The following SSBP2 variants were observed in gnomAD, a reference collection of about 807,000 sequenced individuals.
SSBP2 encodes the protein single-stranded DNA-binding protein 2.
Under a neutral mutation model 61.8 loss-of-function variants are expected in SSBP2, and 17 were observed. That is an observed-to-expected ratio of 0.28 (90% confidence interval 0.19 to 0.41). The LOEUF (loss-of-function observed/expected upper bound fraction) is 0.41. Among genes scored for constraint, SSBP2 ranks in the 10% least tolerant of loss-of-function variants. The pLI is 1.00. For synonymous variants in SSBP2, 139 were observed against 141.3 expected (o/e 0.98, Z 0.12); for missense variants, 310 against 458.7 (o/e 0.68, Z 2.96).
intron 1 of SSBP2, among the ~76,000 whole-genome samples, chr5:81,750,454 C>T (rs1461234393): frequency 1.4e-5 from 2 of 145,844 alleles, no homozygotes; most frequent in Non-Finnish European, 3.0e-5. Context: ...CGCCTCGCCT[C>T]GCCCCGCGCT....
intron 4 of SSBP2, among the ~76,000 whole-genome samples, chr5:81,582,043 AG>A (rs754646358): frequency 6.6e-6 from 1 of 152,170 alleles, no homozygotes; most frequent in Non-Finnish European, 1.5e-5. Flanking sequence ...TAACAAACTG[AG>A]CCTTAAAGTA....
At chr5:81,478,845 A>G (rs1561448858) in intron 6 of SSBP2, among the ~76,000 whole-genome samples, 3 of 152,158 alleles carry the variant, frequency 2.0e-5, no homozygotes, top group Non-Finnish European at 4.4e-5. Flanking sequence ...CTTCTGTCTC[A>G]TTATAGACAA....
intron 4 of SSBP2, among the ~76,000 whole-genome samples, chr5:81,594,973 G>C (rs968868142): frequency 2.6e-5 from 4 of 151,950 alleles, no homozygotes; most frequent in African/African-American, 9.7e-5. Flanking sequence ...GCTAGCAGAA[G>C]GCAAGAAATA....
At chr5:81,538,067 T>G (rs1243233391) in intron 4 of SSBP2, among the ~76,000 whole-genome samples, 1 of 152,064 alleles carries the variant, frequency 6.6e-6, no homozygotes, top group African/African-American at 2.4e-5. Context: ...GCTCAGTGAG[T>G]AAGGCACGTC....
At chr5:81,667,442 A>G (rs1751242519) in intron 1 of SSBP2, among the ~76,000 whole-genome samples, 1 of 152,140 alleles carries the variant, frequency 6.6e-6, no homozygotes, top group Admixed American at 6.6e-5. Flanking sequence ...ATTGAACACC[A>G]AGAGCATTCA....
At chr5:81,536,835 C>G (rs756907064) in intron 4 of SSBP2, among the ~76,000 whole-genome samples, 20 of 152,018 alleles carry the variant, frequency 1.3e-4, no homozygotes, top group Non-Finnish European at 2.5e-4. Flanking sequence ...TCCTGGCTAA[C>G]ATGGTGAAAC....
intron 4 of SSBP2, among the ~76,000 whole-genome samples, chr5:81,544,202 C>CCAT (rs1771540746): frequency 6.6e-6 from 1 of 152,156 alleles, no homozygotes; most frequent in South Asian, 2.1e-4. Context: ...GGCGATGCCA[C>CCAT]CACGCCCGGC....
chr5:81,489,114 C>A, intron 6 of SSBP2, 136 bp downstream of exon 6: 2 of 780,982 alleles, frequency 2.6e-6, no homozygotes, highest in African/African-American at 1.8e-5. Flanking sequence ...GTTTGCCAAC[C>A]CTTGAAGCAG....
intron 4 of SSBP2, among the ~76,000 whole-genome samples, chr5:81,602,847 G>C (rs1446162923): frequency 6.6e-6 from 1 of 151,908 alleles, no homozygotes; most frequent in African/African-American, 2.4e-5. Flanking sequence ...CCTGGGTGAT[G>C]GTTTTACAAA....
At chr5:81,597,851 A>T (rs1341904597) in intron 4 of SSBP2, among the ~76,000 whole-genome samples, 2 of 102,914 alleles carry the variant, frequency 1.9e-5, no homozygotes, top group East Asian at 5.8e-4. Context: ...CAAACCAGGG[A>T]CTGTTGTGGG....
At chr5:81,618,354 GA>G (rs1442051312) in intron 3 of SSBP2, among the ~76,000 whole-genome samples, 1 of 101,386 alleles carries the variant, frequency 9.9e-6, no homozygotes, top group Non-Finnish European at 2.1e-5. Flanking sequence ...AAGAGACAAA[GA>G]AGGCCATTAC....
intron 6 of SSBP2, among the ~76,000 whole-genome samples, chr5:81,476,834 G>C: frequency 6.6e-6 from 1 of 151,898 alleles, no homozygotes; most frequent in East Asian, 1.9e-4. Flanking sequence ...TTTATTAGTT[G>C]GTATTTCACT....
intron 1 of SSBP2, among the ~76,000 whole-genome samples, chr5:81,669,137 A>G (rs1339382607): frequency 1.3e-5 from 2 of 152,220 alleles, no homozygotes; most frequent in African/African-American, 2.4e-5. Flanking sequence ...ATGAAAGTAT[A>G]TAGAATAAAA....
intron 1 of SSBP2, among the ~76,000 whole-genome samples, chr5:81,718,509 C>T (rs1481401735): frequency 6.6e-6 from 1 of 151,902 alleles, no homozygotes; most frequent in Non-Finnish European, 1.5e-5. Context: ...GTCAAGCTGC[C>T]GAGGTGGGAA....
chr5:81,663,416 T>A (rs1750856807), intron 1 of SSBP2, among the ~76,000 whole-genome samples: 1 of 152,004 alleles, frequency 6.6e-6, no homozygotes, highest in Admixed American at 6.6e-5. Flanking sequence ...GATATGACTT[T>A]GTATCACAGA....
chr5:81,737,182 T>C (rs1395953784), intron 1 of SSBP2, among the ~76,000 whole-genome samples: 1 of 151,118 alleles, frequency 6.6e-6, no homozygotes, highest in Non-Finnish European at 1.5e-5. Flanking sequence ...CCTTTAATGA[T>C]AATAATAATA....
chr5:81,427,571 G>A (rs1762032276), intron 16 of SSBP2, among the ~76,000 whole-genome samples: 1 of 152,160 alleles, frequency 6.6e-6, no homozygotes. Flanking sequence ...CTATTAGCCA[G>A]TGCTTCAAAT....
chr5:81,496,541 C>T (rs1299734280), intron 5 of SSBP2, among the ~76,000 whole-genome samples: 2 of 152,134 alleles, frequency 1.3e-5, no homozygotes, highest in African/African-American at 4.8e-5. Context: ...TATAAACTTA[C>T]AAAATAATTT....
chr5:81,639,836 G>A (rs1042815430), intron 2 of SSBP2, among the ~76,000 whole-genome samples: 2 of 151,916 alleles, frequency 1.3e-5, no homozygotes, highest in African/African-American at 2.4e-5. Context: ...ATCCCAAAAG[G>A]ACTTTTTAAA....
Sources: gnomAD v4.1 joint callset for allele counts (sites outside exome capture counted in the v4.1 genomes callset) on GRCh38, gnomAD v4.1.1 for gene constraint, MANE v1.5 for transcripts, NCBI Gene and HGNC (gene_info 2026-07-23, HGNC 2026-07-21) for gene names.